Variants in SLC26A4 observed in about 807,000 individuals in gnomAD.
The protein encoded by SLC26A4 is pendrin.
SLC26A4 carries 93 observed loss-of-function variants against 90.4 expected under a neutral mutation model. That is an observed-to-expected ratio of 1.03 (90% CI 0.87 to 1.22). The LOEUF (loss-of-function observed/expected upper bound fraction) is 1.22. Ranked by LOEUF, SLC26A4 falls within the 50% of genes most tolerant of loss-of-function variation. The probability of loss-of-function intolerance (pLI) is 0.00; values close to 1 mark genes in which losing one functional copy is unlikely to be tolerated. For missense variants in SLC26A4, 1,127 were observed against 946.2 expected (o/e 1.19, Z -2.51); for synonymous variants, 393 against 354.6 (o/e 1.11, Z -1.22).
chr7:107,681,703 A>G (rs2129313965), intron 6 of SLC26A4, among the ~76,000 whole-genome samples: 1 of 152,240 alleles, frequency 6.6e-6, no homozygotes, highest in East Asian at 1.9e-4. Flanking sequence ...TTCCTTGCTA[A>G]TTTCCTTGAA....
intron 10 of SLC26A4, among the ~76,000 whole-genome samples, chr7:107,690,588 C>A (rs1040469055): frequency 4.6e-5 from 7 of 152,144 alleles, no homozygotes; most frequent in African/African-American, 1.4e-4. Context: ...GGTAAAAGCG[C>A]TTCCTGGCTT....
chr7:107,696,068 T>C, intron 13 of SLC26A4, 29 bp downstream of exon 13: 1 of 1,215,384 alleles, frequency 8.2e-7, no homozygotes, highest in South Asian at 1.2e-5. Context: ...AGATTTCCTA[T>C]AAACAGAACA....
Position 107,710,175 on chromosome 7 carries a change from G to A in SLC26A4, c.2211G>A (p.Glu737=). The A allele has an allele frequency of 6.2e-7, 1 of 1,606,604 alleles. No individual in the cohort carries two copies. The highest frequency in any genetic ancestry group is 8.5e-7 in the Non-Finnish European group (1 of 1,173,262). The part of the protein sequence containing the change: ...LYLQNQVKSQ[E]GQGSILETIT... ...TACAGAACCAAGTGAAATCTCAAGAGGGTCAAGGTTCCATTTTAGAAACGG... is the reference window on the plus strand; with the variant it reads ...TACAGAACCAAGTGAAATCTCAAGAAGGTCAAGGTTCCATTTTAGAAACGG... Residue 737 remains glutamate (E), a synonymous_variant, in exon 19 of 21, where the codon GAG becomes GAA. Transcript: ENST00000644269.
chr7:107,673,775 C>A (rs904761858), intron 4 of SLC26A4, among the ~76,000 whole-genome samples: 1 of 152,118 alleles, frequency 6.6e-6, no homozygotes, highest in Admixed American at 6.6e-5. Flanking sequence ...GTCACCTAGG[C>A]TGGAGTGCGG....
intron 3 of SLC26A4, among the ~76,000 whole-genome samples, chr7:107,663,706 C>T (rs1185628395): frequency 2.0e-5 from 3 of 152,050 alleles, no homozygotes; most frequent in Non-Finnish European, 4.4e-5. Context: ...TTATTTGAGA[C>T]GGGGGCTCGC....
rs74963008 is a variant in SLC26A4, at chr7:107,661,121, C to G, written c.-4+266C>G. ...CTGCAGCGTCCGCCTCTTGGGGACC[C>G]GCGGAGCGCGCCCTGACGGTTCCAC... On this transcript the variant is annotated intron_variant, in intron 1 of 20. Transcript: ENST00000644269. The surrounding 1 kb of genome is among the most constrained non-coding windows in gnomAD (Gnocchi z 5.1). 1,445 of 158,032 alleles carry G rather than the reference C, an allele frequency of 9.1e-3. 24 individuals carry two copies. Among genetic ancestry groups the G allele is most frequent in the African/African-American group, 0.033 (1,356 of 41,628 alleles). 9.8% of individuals were successfully genotyped at this position (158,032 alleles called of 1,614,324 possible).
In SLC26A4 at chr7:107,690,178, G is replaced by A. The variant is rs397516414; in HGVS notation, c.1204G>A (p.Val402Met). ...NIFSGFFSCF[V>M]ATTALSRTAV... ...CTTCTCAGGATTCTTCTCTTGTTTT[G>A]TGGCCACCACTGCTCTTTCCCGCAC... Residue 402 changes from valine (V) to methionine (M), a missense_variant, in exon 10 of 21, where the codon GTG becomes ATG. Val to Met is a conservative substitution (Grantham distance 21). Transcript: ENST00000644269. 6 of 1,613,580 alleles carry A rather than the reference G, an allele frequency of 3.7e-6. No individual in the cohort carries two copies. Among genetic ancestry groups the A allele is most frequent in the Non-Finnish European group, 5.1e-6 (6 of 1,179,662 alleles).
In SLC26A4 at chr7:107,661,476, T is replaced by C. The variant is rs1790547769; in HGVS notation, c.-3-163T>C. On this transcript the variant is annotated intron_variant, in intron 1 of 20. Transcript: ENST00000644269. This position sits in a 1 kb window ranked among gnomAD's most constrained non-coding sequence, Gnocchi z 5.1. ...GCTGGCCGTGCGCGCCGTGGGGCGC[T>C]TGTCGCGAGCGCCGAGGGCTGCAGG... The C allele has an allele frequency of 2.5e-6, 2 of 798,718 alleles. No homozygotes were observed. Among genetic ancestry groups the C allele is most frequent in the Admixed American group, 2.2e-5 (1 of 44,616 alleles). The allele number at this position is 798,718 out of a possible 1,614,324, so 49.5% of individuals were successfully genotyped here.
intron 3 of SLC26A4, among the ~76,000 whole-genome samples, chr7:107,666,863 C>T (rs1790730056): frequency 6.6e-6 from 1 of 152,134 alleles, no homozygotes; most frequent in Non-Finnish European, 1.5e-5. Flanking sequence ...CACCCTATTC[C>T]TGGCCCTGTG....
intron 18 of SLC26A4, among the ~76,000 whole-genome samples, chr7:107,709,114 TC>T (rs768584557): frequency 5.9e-5 from 9 of 152,180 alleles, no homozygotes; most frequent in Non-Finnish European, 1.2e-4. Context: ...GTTTCTGAAG[TC>T]CAGCGTAGAT....
intron 8 of SLC26A4, among the ~76,000 whole-genome samples, chr7:107,687,472 ATTAC>A (rs2129315492): frequency 6.6e-6 from 1 of 152,320 alleles, no homozygotes; most frequent in South Asian, 2.1e-4. Flanking sequence ...GTAGACACTA[ATTAC>A]TTACTTACAC....
intron 9 of SLC26A4, among the ~76,000 whole-genome samples, chr7:107,689,588 A>T (rs1791512621): frequency 6.6e-6 from 1 of 152,188 alleles, no homozygotes; most frequent in Non-Finnish European, 1.5e-5. Flanking sequence ...ACCACTTTAA[A>T]TTGAGGTGGT....
intron 14 of SLC26A4, among the ~76,000 whole-genome samples, chr7:107,699,790 G>A (rs900688699): frequency 1.3e-5 from 2 of 151,996 alleles, no homozygotes; most frequent in Non-Finnish European, 2.9e-5. Context: ...TTAGCTGGGT[G>A]TGGTGGCAGC....
At chr7:107,665,862 T>C (rs903124194) in intron 3 of SLC26A4, among the ~76,000 whole-genome samples, 1 of 152,218 alleles carries the variant, frequency 6.6e-6, no homozygotes, top group African/African-American at 2.4e-5. Context: ...TAATCCGGTG[T>C]CTATTGTGTA....
chr7:107,694,137 T>A (rs1247014484), intron 10 of SLC26A4, among the ~76,000 whole-genome samples: 1 of 152,164 alleles, frequency 6.6e-6, no homozygotes, highest in African/African-American at 2.4e-5. Context: ...CCAAATAAAA[T>A]CCCTGTCAAA....
At chr7:107,683,380 T>C in intron 7 of SLC26A4, 26 bp downstream of exon 7, 1 of 1,612,074 alleles carries the variant, frequency 6.2e-7, no homozygotes, top group Non-Finnish European at 8.5e-7. Context: ...AGTTAGAAAG[T>C]TCAGCATTAT....
At chr7:107,708,233 A>G (rs7781918) in intron 18 of SLC26A4, among the ~76,000 whole-genome samples, 3,779 of 152,298 alleles carry the variant, frequency 0.025, 154 homozygotes, top group African/African-American at 0.085. Context: ...AAAATTTTTC[A>G]TGATATTTAT....
At position 107,661,395 on chromosome 7, in the gene SLC26A4, C is replaced by G. The variant is rs186365781; in HGVS notation, c.-3-244C>G. 4 of 590,068 alleles carry G rather than the reference C, an allele frequency of 6.8e-6. No homozygotes were observed. The African/African-American group carries it at 7.5e-5, about 11-fold the overall frequency. 36.6% of individuals were successfully genotyped at this position (590,068 alleles called of 1,614,324 possible). The stretch of plus-strand genomic sequence containing the variant: ...CTTACTCGCTTCAAGTTTGGGGAAC[C>G]CCGGGCAGCGGGTGCAGGCCACGAG... On this transcript the variant is annotated intron_variant, in intron 1 of 20. Transcript: ENST00000644269. This position sits in a 1 kb window ranked among gnomAD's most constrained non-coding sequence, Gnocchi z 5.1.
At chr7:107,697,107 A>G (rs367893631) in intron 13 of SLC26A4, among the ~76,000 whole-genome samples, 4 of 152,102 alleles carry the variant, frequency 2.6e-5, no homozygotes, top group African/African-American at 9.7e-5. Flanking sequence ...AAAGTTCTCA[A>G]TTTGCTTCTA....
Sources: gnomAD v4.1 joint callset for allele counts (sites outside exome capture counted in the v4.1 genomes callset) on GRCh38, gnomAD v4.1.1 for gene constraint, Gnocchi (gnomAD v3.1) non-coding constraint, MANE v1.5 for transcripts, NCBI Gene and HGNC (gene_info 2026-07-23, HGNC 2026-07-21) for gene names.